The following SCFD1 variants were observed in gnomAD, a reference collection of about 807,000 sequenced individuals.
SCFD1 encodes the protein sec1 family domain containing 1, also known as sec1 family domain-containing protein 1.
A neutral mutation model predicts 103.2 loss-of-function variants in SCFD1; 37 were observed. The ratio of observed to expected loss-of-function variants is 0.36; its 90% CI spans 0.28 to 0.47. The LOEUF (loss-of-function observed/expected upper bound fraction) is 0.47. Among genes scored for constraint, SCFD1 ranks in the 20% least tolerant of loss-of-function variants. The probability of loss-of-function intolerance (pLI) is 1.00; values close to 1 mark genes in which losing one functional copy is unlikely to be tolerated. For missense variants in SCFD1, 639 were observed against 761.2 expected, an observed-to-expected ratio of 0.84 and a Z score of 1.89; for synonymous variants, 264 against 245.0, an observed-to-expected ratio of 1.08 and a Z score of -0.73.
At chr14:30,703,938 TATATATATATATATATATATATATAA>T (rs1167483216) in intron 17 of SCFD1, among the ~76,000 whole-genome samples, 4,414 of 68,654 alleles carry the variant, frequency 0.064, 261 homozygotes, top group East Asian at 0.3. Context: ...TATATATATA[TATATATATATATATATATATATATAA>T]ATAATGAGAT....
Position 30,727,541 on chromosome 14 carries a change from A to G in SCFD1, c.1836+4982A>G, listed in dbSNP as rs115969226. 2.0e-3 allele frequency among the ~76,000 whole-genome samples: 302 copies of G among 152,352 alleles called. 1 individual carries two copies. Among genetic ancestry groups the G allele is most frequent in the African/African-American group, 7.0e-3 (292 of 41,572 alleles). ...ACCCATCTTAGACAGCTTCAAATAAAGGAGACAATTTCATCAGGTCTTATG... is the reference window on the plus strand; with the variant it reads ...ACCCATCTTAGACAGCTTCAAATAAGGGAGACAATTTCATCAGGTCTTATG... On this transcript the variant is annotated intron_variant, in intron 23 of 24. Coordinates refer to ENST00000458591, the MANE Select transcript of SCFD1 (RefSeq NM_016106.4).
chr14:30,734,591 A>G (rs918698086), intron 23 of SCFD1, 199 bp from the exon 24 acceptor site: 6 of 535,684 alleles, frequency 1.1e-5, no homozygotes, highest in African/African-American at 3.8e-5. Context: ...TTGGGGGACA[A>G]AAATACTATG....
At chr14:30,629,638 C>T (rs960824785) in intron 2 of SCFD1, among the ~76,000 whole-genome samples, 3 of 144,744 alleles carry the variant, frequency 2.1e-5, no homozygotes, top group South Asian at 2.1e-4. Flanking sequence ...AATGTAGTGG[C>T]GCAATCTCAG....
intron 3 of SCFD1, 83 bp from the exon 4 acceptor site, chr14:30,633,864 T>G: frequency 4.3e-6 from 3 of 700,112 alleles, no homozygotes; most frequent in East Asian, 2.9e-5. Context: ...TTACTGTCCT[T>G]GAGCTAGTGA....
intron 20 of SCFD1, 42 bp from the exon 21 acceptor site, chr14:30,719,283 A>G: frequency 7.7e-7 from 1 of 1,296,910 alleles, no homozygotes; most frequent in Non-Finnish European, 1.1e-6. Flanking sequence ...CCTTCTGAAG[A>G]GAAATTCCAC....
intron 21 of SCFD1, among the ~76,000 whole-genome samples, chr14:30,720,714 T>C (rs775280012): frequency 5.9e-5 from 9 of 152,124 alleles, no homozygotes; most frequent in Non-Finnish European, 2.9e-5. Context: ...TCATAAGTAA[T>C]CTAGAGATTA....
Position 30,643,307 on chromosome 14 carries a change from T to G in SCFD1, c.524-9T>G. The G allele has an allele frequency of 1.9e-6, 3 of 1,587,968 alleles. No individual in the cohort carries two copies. The highest frequency in any genetic ancestry group is 2.6e-6 in the Non-Finnish European group (3 of 1,156,398). On this transcript the variant is annotated splice_polypyrimidine_tract_variant and intron_variant, in intron 6 of 24. Coordinates refer to ENST00000458591, the MANE Select transcript of SCFD1 (RefSeq NM_016106.4). ...GTCAACTTTTTCTCCTTTTCCTATG[T>G]CATTTTAGCCATTAACAGGCCAGAT...
At chr14:30,628,147 A>G in intron 1 of SCFD1, 62 bp from the exon 2 acceptor site, 2 of 1,246,628 alleles carry the variant, frequency 1.6e-6, no homozygotes, top group South Asian at 2.6e-5. Flanking sequence ...GTGAATGATG[A>G]TGGAGGAAAA....
In SCFD1 at chr14:30,735,839, CTAATA is replaced by C. The variant is rs1893803835; in HGVS notation, c.*236_*240del. ...ATTTTCTCTGATAAATCAGAAAGTA[CTAATA>C]TAATAACTAATAGGTTATGATTGAA... On this transcript the variant is annotated 3_prime_UTR_variant, in exon 25 of 25. Transcript: ENST00000458591. 2.2e-5 allele frequency: 9 copies of C among 410,134 alleles called. No individual in the cohort carries two copies. In the South Asian group the frequency reaches 5.0e-4, roughly 23 times the overall value. 25.4% of individuals were successfully genotyped at this position (410,134 alleles called of 1,614,324 possible). A position where few individuals can be genotyped will look rare whatever the true frequency, so the allele number is the denominator to read the frequency against.
intron 14 of SCFD1, among the ~76,000 whole-genome samples, chr14:30,694,299 T>C (rs546902859): frequency 2.1e-4 from 32 of 152,348 alleles, no homozygotes; most frequent in African/African-American, 7.0e-4. Flanking sequence ...AATTTATCCA[T>C]CAAATATGGT....
At chr14:30,673,409 A>AGGAG in intron 12 of SCFD1, 62 bp downstream of exon 12, 9 of 883,470 alleles carry the variant, frequency 1.0e-5, no homozygotes, top group Non-Finnish European at 1.5e-5. Flanking sequence ...TTAGATAAAG[A>AGGAG]GATTTGGGTT....
chr14:30,642,643 G>A (rs1156999067), intron 6 of SCFD1, among the ~76,000 whole-genome samples: 1 of 152,116 alleles, frequency 6.6e-6, no homozygotes, highest in African/African-American at 2.4e-5. Flanking sequence ...TCCTTTTCTG[G>A]CTGTAGTTGG....
intron 12 of SCFD1, 53 bp from the exon 13 acceptor site, chr14:30,673,871 A>G (rs1336669589): frequency 2.1e-5 from 26 of 1,229,032 alleles, no homozygotes; most frequent in Non-Finnish European, 3.1e-5. Context: ...GTTGATTTTT[A>G]TGCTTGTGCC....
intron 23 of SCFD1, among the ~76,000 whole-genome samples, chr14:30,728,103 ATTG>A (rs1394228178): frequency 6.6e-6 from 1 of 152,138 alleles, no homozygotes; most frequent in African/African-American, 2.4e-5. Flanking sequence ...TATGGAGGAA[ATTG>A]TTATCAGTTC....
chr14:30,628,603 T>C (rs796640040), intron 2 of SCFD1, among the ~76,000 whole-genome samples: 8 of 152,336 alleles, frequency 5.3e-5, no homozygotes, highest in African/African-American at 1.9e-4. Flanking sequence ...TGCTCGGAGT[T>C]AGTCACATTC....
intron 19 of SCFD1, among the ~76,000 whole-genome samples, chr14:30,708,729 A>G (rs1030593753): frequency 2.0e-5 from 3 of 151,906 alleles, no homozygotes; most frequent in South Asian, 4.1e-4. Context: ...CTAAAGTCCT[A>G]TGTAAATTGG....
intron 23 of SCFD1, among the ~76,000 whole-genome samples, chr14:30,732,386 T>A (rs1002477091): frequency 2.0e-5 from 3 of 152,224 alleles, no homozygotes; most frequent in Non-Finnish European, 4.4e-5. Flanking sequence ...AAGCATCTAG[T>A]CTTTGACCAT....
chr14:30,695,006 T>C (rs1594717043), intron 15 of SCFD1, 137 bp downstream of exon 15: 2 of 1,437,328 alleles, frequency 1.4e-6, no homozygotes, highest in East Asian at 2.8e-5. Flanking sequence ...TGAGCTATTT[T>C]CTGGTAAAAT....
intron 16 of SCFD1, 23 bp downstream of exon 16, chr14:30,700,281 G>A (rs375903643): frequency 1.4e-6 from 2 of 1,435,806 alleles, no homozygotes; most frequent in Middle Eastern, 1.8e-4. Context: ...TTCAGTTATT[G>A]GGAGGAAGGG....
Sources: gnomAD v4.1 joint callset for allele counts (sites outside exome capture counted in the v4.1 genomes callset) on GRCh38, gnomAD v4.1.1 for gene constraint, MANE v1.5 for transcripts, NCBI Gene and HGNC (gene_info 2026-07-23, HGNC 2026-07-21) for gene names.